Variants in HEATR5B observed in about 807,000 individuals in gnomAD.
HEATR5B encodes HEAT repeat containing 5B.
Under a neutral mutation model 224.1 loss-of-function variants are expected in HEATR5B, and 156 were observed. The observed-to-expected ratio is 0.70, with a 90% confidence interval of 0.61 to 0.80. The LOEUF (loss-of-function observed/expected upper bound fraction) is 0.80. HEATR5B is among the 30% of genes least tolerant of loss of function. The pLI is 0.00. For synonymous variants in HEATR5B, 1,027 were observed against 893.0 expected (o/e 1.15, Z -2.68); for missense variants, 2,323 against 2,535.5 (o/e 0.92, Z 1.80).
intron 4 of HEATR5B, 95 bp downstream of exon 4, chr2:37,076,816 G>C (rs1672265154): frequency 1.1e-6 from 1 of 882,088 alleles, no homozygotes. Flanking sequence ...AGCAATATGA[G>C]ACCACAGTGA....
chr2:37,041,052 G>T (rs1229798939), intron 19 of HEATR5B, 81 bp downstream of exon 19: 1 of 1,124,760 alleles, frequency 8.9e-7, no homozygotes, highest in Non-Finnish European at 1.3e-6. Context: ...AACTTACCAC[G>T]GTCATTTTTA....
At chr2:37,049,447 C>T (rs1185629746) in intron 18 of HEATR5B, among the ~76,000 whole-genome samples, 7 of 152,152 alleles carry the variant, frequency 4.6e-5, no homozygotes, top group Non-Finnish European at 7.3e-5. Context: ...AAGCCCTCTC[C>T]ACGCAGAAAG....
chr2:37,012,515 C>G (rs1018550659), intron 27 of HEATR5B, among the ~76,000 whole-genome samples: 16 of 152,074 alleles, frequency 1.1e-4, no homozygotes, highest in African/African-American at 3.9e-4. Context: ...CTCAGCCTCC[C>G]AAGTAGCTGG....
chr2:37,020,073 T>G (rs1668374338), intron 25 of HEATR5B, among the ~76,000 whole-genome samples, 196 bp from the exon 26 acceptor site: 2 of 152,016 alleles, frequency 1.3e-5, no homozygotes, highest in South Asian at 2.1e-4. Flanking sequence ...CCAGGCTAAT[T>G]TTTGTATTTT....
At chr2:37,017,312 G>A (rs1011756940) in intron 26 of HEATR5B, among the ~76,000 whole-genome samples, 4 of 151,948 alleles carry the variant, frequency 2.6e-5, no homozygotes, top group African/African-American at 9.7e-5. Context: ...TTGATTGCTT[G>A]AACTCGGGAG....
chr2:37,046,364 C>A (rs1670190606), intron 18 of HEATR5B, among the ~76,000 whole-genome samples: 1 of 152,148 alleles, frequency 6.6e-6, no homozygotes, highest in Non-Finnish European at 1.5e-5. Context: ...ATGGGCCAGG[C>A]GCACTGGCTC....
Position 37,028,129 on chromosome 2 carries a change from GCTT to G in HEATR5B, c.3644_3646del (p.Glu1215del). On this transcript the variant is annotated inframe_deletion, in exon 24 of 36. Transcript: ENST00000233099. The stretch of plus-strand genomic sequence containing the variant: ...ATCATCCATCTCATCTTTCTTTTCA[GCTT>G]CTTCATCTTTTCCACTACTTAAGAG... The G allele has an allele frequency of 1.2e-6, 2 of 1,609,768 alleles. No individual in the cohort carries two copies. Among genetic ancestry groups the G allele is most frequent in the Non-Finnish European group, 1.7e-6 (2 of 1,176,184 alleles).
intron 17 of HEATR5B, among the ~76,000 whole-genome samples, chr2:37,051,080 G>A (rs945968879): frequency 2.6e-4 from 40 of 150,976 alleles, no homozygotes; most frequent in Non-Finnish European, 1.2e-4. Context: ...TGAGGTGGCC[G>A]GGTGCAGTGG....
intron 2 of HEATR5B, among the ~76,000 whole-genome samples, chr2:37,081,363 T>C (rs562242939): frequency 1.3e-5 from 2 of 152,248 alleles, no homozygotes; most frequent in Admixed American, 1.3e-4. Flanking sequence ...ACTGTTTCTA[T>C]AGAAATTCCA....
chr2:37,065,679 T>G lies in HEATR5B; in HGVS notation c.1333+76A>C, dbSNP rs1210400212. On this transcript the variant is annotated intron_variant, in intron 9 of 35. Coordinates refer to ENST00000233099, the MANE Select transcript of HEATR5B (RefSeq NM_019024.3). ...GCTAATGATGATGATAAGCAACTAA[T>G]CAGGAATTAAATATCAATCACACTT... is the stretch of plus-strand genomic sequence containing the variant. 4.0e-6 allele frequency: 5 copies of G among 1,238,930 alleles called. No individual in the cohort carries two copies. In the African/African-American group the frequency reaches 7.5e-5, roughly 19 times the overall value. 76.7% of individuals were successfully genotyped at this position (1,238,930 alleles called of 1,614,324 possible).
At chr2:37,040,703 T>C (rs772470245) in intron 19 of HEATR5B, among the ~76,000 whole-genome samples, 185 bp from the exon 20 acceptor site, 38 of 152,188 alleles carry the variant, frequency 2.5e-4, no homozygotes, top group Non-Finnish European at 4.8e-4. Context: ...TATTTACTTA[T>C]GTATAATAAC....
At chr2:36,989,490 ATATT>A (rs1163477813) in intron 34 of HEATR5B, among the ~76,000 whole-genome samples, 3 of 152,220 alleles carry the variant, frequency 2.0e-5, no homozygotes, top group African/African-American at 7.2e-5. Context: ...TTAACCAAAT[ATATT>A]TACTAAGGAA....
At chr2:37,048,890 C>T (rs1365088042) in intron 18 of HEATR5B, among the ~76,000 whole-genome samples, 1 of 152,188 alleles carries the variant, frequency 6.6e-6, no homozygotes, top group African/African-American at 2.4e-5. Flanking sequence ...TTCTTCAGAA[C>T]TACTACTTCA....
At position 36,981,263 on chromosome 2, in the gene HEATR5B, G is replaced by A. The variant is rs1234946659; in HGVS notation, c.*227C>T. 2 of 408,046 alleles carry A rather than the reference G, an allele frequency of 4.9e-6. No homozygotes were observed. The highest frequency in any genetic ancestry group is 8.6e-6 in the Non-Finnish European group (2 of 232,408). 25.3% of individuals were successfully genotyped at this position (408,046 alleles called of 1,614,324 possible). Reference sequence around the variant, plus strand: ...GAAAAATAAATAAGTTAACAAAAGAGAAACATTATTAGGAGGAAAATGAAA... The same window carrying A: ...GAAAAATAAATAAGTTAACAAAAGAAAAACATTATTAGGAGGAAAATGAAA... On this transcript the variant is annotated 3_prime_UTR_variant, in exon 36 of 36. Coordinates refer to ENST00000233099, the MANE Select transcript of HEATR5B (RefSeq NM_019024.3).
rs1276961283 is a variant in HEATR5B at position 37,064,887 on chromosome 2, C to G, written c.1437G>C (p.Gln479His). ...CACACCTGTCTAGAAATGGTGTCAG[C>G]TGGAAAGGTAATGCCACAGCCACAC... is the stretch of plus-strand genomic sequence containing the variant. ...LRCVAVALPF[Q>H]LTPFLDRCAE... Residue 479 changes from glutamine to histidine, a missense_variant, in exon 10 of 36, where the codon CAG becomes CAC. Physicochemically the swap from Gln to His is conservative, Grantham distance 24. Around this residue, in one of 12 missense-constraint regions of HEATR5B, gnomAD observed 502 missense variants for 517.8 expected, o/e 0.97. Coordinates refer to ENST00000233099, the MANE Select transcript of HEATR5B (RefSeq NM_019024.3). The G allele has an allele frequency of 1.9e-6, 3 of 1,614,088 alleles. No individual in the cohort carries two copies.
intron 12 of HEATR5B, among the ~76,000 whole-genome samples, chr2:37,059,404 A>ATG (rs1553320945): frequency 1.6e-4 from 17 of 106,974 alleles, no homozygotes; most frequent in South Asian, 3.7e-4. Context: ...ATATATATGT[A>ATG]TATGTGTGTG....
At chr2:37,006,360 T>A (rs774461327) in intron 29 of HEATR5B, among the ~76,000 whole-genome samples, 1 of 152,140 alleles carries the variant, frequency 6.6e-6, no homozygotes, top group East Asian at 1.9e-4. Flanking sequence ...TAAAAAAGCA[T>A]CTATAGCTGG....
intron 35 of HEATR5B, among the ~76,000 whole-genome samples, chr2:36,985,319 G>A (rs143077009): frequency 3.9e-5 from 6 of 152,024 alleles, no homozygotes; most frequent in African/African-American, 1.4e-4. Context: ...TTTAGTCTTA[G>A]ATTCAGTTTT....
chr2:36,986,600 G>A (rs1665960517), intron 35 of HEATR5B, among the ~76,000 whole-genome samples: 1 of 152,114 alleles, frequency 6.6e-6, no homozygotes, highest in Admixed American at 6.6e-5. Flanking sequence ...AGAGCAATGT[G>A]ACAATATAGA....
Sources: gnomAD v4.1 joint callset for allele counts (sites outside exome capture counted in the v4.1 genomes callset) on GRCh38, gnomAD v4.1.1 for gene constraint, gnomAD v4.1.1 regional missense constraint, MANE v1.5 for transcripts, NCBI Gene and HGNC (gene_info 2026-07-23, HGNC 2026-07-21) for gene names.